The following PKNOX1 variants were observed in gnomAD, a reference collection of about 807,000 sequenced individuals.
PKNOX1 encodes the protein PBX/knotted 1 homeobox 1.
A neutral mutation model predicts 51.9 loss-of-function variants in PKNOX1; 15 were observed. The ratio of observed to expected loss-of-function variants is 0.29; its 90% confidence interval spans 0.19 to 0.45. The LOEUF (loss-of-function observed/expected upper bound fraction) is 0.45. PKNOX1 is among the 20% of genes least tolerant of loss of function. The pLI is 1.00. For missense variants in PKNOX1, 462 were observed against 547.5 expected, an observed-to-expected ratio of 0.84 and a Z score of 1.56; for synonymous variants, 219 against 211.1, an observed-to-expected ratio of 1.04 and a Z score of -0.32.
At chr21:42,990,114 A>G (rs2059078783) in intron 1 of PKNOX1, among the ~76,000 whole-genome samples, 1 of 151,530 alleles carries the variant, frequency 6.6e-6, no homozygotes, top group South Asian at 2.1e-4. Context: ...AAAAAATAAT[A>G]ATAATAAGCG....
intron 1 of PKNOX1, among the ~76,000 whole-genome samples, chr21:42,997,892 T>C (rs931160468): frequency 8.5e-5 from 13 of 152,074 alleles, no homozygotes; most frequent in East Asian, 3.9e-4. Context: ...TTTATACAAC[T>C]TGGAGTGCGG....
intron 1 of PKNOX1, among the ~76,000 whole-genome samples, chr21:42,988,795 G>A (rs1240965894): frequency 5.3e-5 from 8 of 152,202 alleles, no homozygotes; most frequent in Non-Finnish European, 7.3e-5. Context: ...ATGAGAGGGA[G>A]CCTGGTCCCT....
At chr21:42,993,498 G>A (rs975426379) in intron 1 of PKNOX1, among the ~76,000 whole-genome samples, 7 of 150,990 alleles carry the variant, frequency 4.6e-5, no homozygotes, top group Non-Finnish European at 8.9e-5. Context: ...AGAGATTTTC[G>A]TAAAAACATC....
At chr21:42,982,814 T>TA (rs1395968709) in intron 1 of PKNOX1, among the ~76,000 whole-genome samples, 3 of 151,990 alleles carry the variant, frequency 2.0e-5, no homozygotes, top group Non-Finnish European at 4.4e-5. Context: ...TGAGCATACT[T>TA]TTTTTTCCCC....
At position 43,031,689 on chromosome 21, in the gene PKNOX1, G is replaced by T. The variant is rs1980277070; in HGVS notation, c.*1588G>T. 1 of 155,642 alleles carries T rather than the reference G, an allele frequency of 6.4e-6. No individual in the cohort carries two copies. Among genetic ancestry groups the T allele is most frequent in the Non-Finnish European group, 1.4e-5 (1 of 70,020 alleles). The allele number at this position is 155,642 out of a possible 1,614,324, so 9.6% of individuals were successfully genotyped here. On this transcript the variant is annotated 3_prime_UTR_variant, in exon 11 of 11. Transcript: ENST00000291547. ...TCTTGAGAGTCAACAGTAATGATTG[G>T]TTGTAAGCCAAGGGACATTTTAAGC... is the stretch of plus-strand genomic sequence containing the variant.
chr21:43,003,144 C>T (rs1477222909), intron 1 of PKNOX1, among the ~76,000 whole-genome samples: 1 of 152,224 alleles, frequency 6.6e-6, no homozygotes, highest in Non-Finnish European at 1.5e-5. Context: ...CTTTGCTGTT[C>T]TTGCTAGTCC....
intron 1 of PKNOX1, among the ~76,000 whole-genome samples, chr21:42,993,351 C>T (rs113139814): frequency 1.4e-3 from 211 of 152,256 alleles, no homozygotes; most frequent in African/African-American, 4.8e-3. Flanking sequence ...ACTCGCGGGC[C>T]GAGCTTCCAG....
At chr21:43,028,576 G>A in intron 9 of PKNOX1, 126 bp from the exon 10 acceptor site, 2 of 818,644 alleles carry the variant, frequency 2.4e-6, no homozygotes, top group Non-Finnish European at 4.0e-6. Flanking sequence ...TTACTATAGT[G>A]GAGAACTTGA....
At chr21:43,007,116 A>T (rs181035466) in intron 2 of PKNOX1, among the ~76,000 whole-genome samples, 1 of 152,188 alleles carries the variant, frequency 6.6e-6, no homozygotes, top group Non-Finnish European at 1.5e-5. Context: ...TGTCTGTGAC[A>T]TGGTAAGAAG....
At chr21:43,028,346 T>C (rs1172002879) in intron 9 of PKNOX1, among the ~76,000 whole-genome samples, 14 of 152,142 alleles carry the variant, frequency 9.2e-5, no homozygotes, top group Non-Finnish European at 5.9e-5. Context: ...TTCTTTAACA[T>C]TTTTCTTCCT....
chr21:42,995,110 C>T lies in PKNOX1; in HGVS notation c.-56-9216C>T, dbSNP rs141298881. On this transcript the variant is annotated intron_variant, in intron 1 of 10. Coordinates refer to ENST00000291547, the MANE Select transcript of PKNOX1 (RefSeq NM_004571.5). ...CTGATTTTTGTATTTTTAGTAGAGA[C>T]GGGGTTTTACCATCTTGGCCAGGCT... Among the ~76,000 whole-genome samples, 930 of 151,716 alleles carry T rather than the reference C, an allele frequency of 6.1e-3. 4 individuals are homozygous for T. The highest frequency in any genetic ancestry group is 9.1e-3 in the Non-Finnish European group (618 of 67,876).
At chr21:43,025,074 AC>A in intron 9 of PKNOX1, 127 bp downstream of exon 9, 1 of 654,396 alleles carries the variant, frequency 1.5e-6, no homozygotes, top group Non-Finnish European at 2.7e-6. Context: ...CCCAACTGAG[AC>A]GGGGTCTTGC....
intron 1 of PKNOX1, among the ~76,000 whole-genome samples, chr21:42,984,499 C>T (rs2059042037): frequency 6.6e-6 from 1 of 152,042 alleles, no homozygotes; most frequent in Non-Finnish European, 1.5e-5. Context: ...AGCAATTCTC[C>T]TGCCTCAGCC....
chr21:43,029,424 G>GTTTTTTTTTTTTT lies in PKNOX1; in HGVS notation c.1100-457_1100-445dup, dbSNP rs138486584. 6.3e-3 allele frequency among the ~76,000 whole-genome samples: 401 copies of GTTTTTTTTTTTTT among 63,284 alleles called. 44 individuals are homozygous for GTTTTTTTTTTTTT. The highest frequency in any genetic ancestry group is 6.9e-3 in the African/African-American group (106 of 15,298). The allele number at this position is 63,284 out of a possible 152,430, so 41.5% of individuals were successfully genotyped here. The stretch of plus-strand genomic sequence containing the variant: ...TTATTTTTTTTTATTTGTTTGCTTT[G>GTTTTTTTTTTTTT]TTTTTTTTTTTTTTTTTTTTTGAGA... On this transcript the variant is annotated intron_variant, in intron 10 of 10. Coordinates refer to ENST00000291547, the MANE Select transcript of PKNOX1 (RefSeq NM_004571.5).
chr21:43,017,961 G>A (rs75092870), intron 6 of PKNOX1, 172 bp from the exon 7 acceptor site: 2 of 548,950 alleles, frequency 3.6e-6, no homozygotes, highest in African/African-American at 4.2e-5. Context: ...TGTAATTCCA[G>A]CACTTTGGGA....
chr21:43,024,713 A>G (rs909847968), intron 8 of PKNOX1, 158 bp from the exon 9 acceptor site: 1 of 605,514 alleles, frequency 1.7e-6, no homozygotes, highest in Non-Finnish European at 2.9e-6. Context: ...ACGAGGAGAA[A>G]CACTTTGTTC....
At chr21:42,982,039 G>A (rs1410161735) in intron 1 of PKNOX1, among the ~76,000 whole-genome samples, 1 of 152,168 alleles carries the variant, frequency 6.6e-6, no homozygotes, top group East Asian at 1.9e-4. Flanking sequence ...CCCTCACAGT[G>A]GGGGCTCACC....
At position 43,032,441 on chromosome 21, in the gene PKNOX1, G is replaced by A. The variant is rs1046691430; in HGVS notation, c.*2340G>A. 2.3e-5 allele frequency: 7 copies of A among 298,194 alleles called. No homozygotes were observed. Among genetic ancestry groups the A allele is most frequent in the African/African-American group, 1.3e-4 (6 of 45,784 alleles). 18.5% of individuals were successfully genotyped at this position (298,194 alleles called of 1,614,324 possible). A position where few individuals can be genotyped will look rare whatever the true frequency, so the allele number is the denominator to read the frequency against. ...CCCCACTAGAAATCACATTCACTAA[G>A]CAGTGGATTGAATTTAAGAGTGCTG... On this transcript the variant is annotated 3_prime_UTR_variant, in exon 11 of 11. Transcript: ENST00000291547.
chr21:42,975,283 G>C (rs1333470010), intron 1 of PKNOX1, among the ~76,000 whole-genome samples: 1 of 151,012 alleles, frequency 6.6e-6, no homozygotes, highest in Non-Finnish European at 1.5e-5. Flanking sequence ...CGGGTGGGTC[G>C]GGGTCCTGGG....
Sources: gnomAD v4.1 joint callset for allele counts (sites outside exome capture counted in the v4.1 genomes callset) on GRCh38, gnomAD v4.1.1 for gene constraint, MANE v1.5 for transcripts, NCBI Gene and HGNC (gene_info 2026-07-23, HGNC 2026-07-21) for gene names.